The following SPATA16 variants were observed in gnomAD, a reference collection of about 807,000 sequenced individuals.
SPATA16 encodes spermatogenesis associated 16.
SPATA16 carries 36 observed loss-of-function variants against 63.3 expected under a neutral mutation model. The observed-to-expected ratio is 0.57, with a 90% CI of 0.44 to 0.75. The LOEUF is 0.75. Ranked by LOEUF, SPATA16 falls within the 30% of genes least tolerant of loss-of-function variation. The pLI is 0.00. For missense variants in SPATA16, 646 were observed against 679.3 expected (o/e 0.95, Z 0.54); for synonymous variants, 203 against 216.7 (o/e 0.94, Z 0.56).
At chr3:173,065,039 GA>G (rs1330176444) in intron 2 of SPATA16, among the ~76,000 whole-genome samples, 1 of 152,080 alleles carries the variant, frequency 6.6e-6, no homozygotes, top group South Asian at 2.1e-4. Flanking sequence ...GTTCTTTCAG[GA>G]AAAAAAGAAC....
chr3:173,058,366 G>A lies in SPATA16; in HGVS notation c.613-9272C>T, dbSNP rs148457864. Among the ~76,000 whole-genome samples the A allele has an allele frequency of 2.4e-3, 359 of 152,022 alleles. 1 individual carries two copies. The highest frequency in any genetic ancestry group is 8.2e-3 in the African/African-American group (339 of 41,464). On this transcript the variant is annotated intron_variant, in intron 2 of 10. Transcript: ENST00000351008. Reference sequence around the variant, plus strand: ...AGCCGTGTGTATACATCTTGCCCACGGGTTTGATCATTTTCAAATTGTTAT... The same window carrying A: ...AGCCGTGTGTATACATCTTGCCCACAGGTTTGATCATTTTCAAATTGTTAT...
chr3:173,120,128 G>A (rs1738022761), intron 1 of SPATA16, among the ~76,000 whole-genome samples: 1 of 151,704 alleles, frequency 6.6e-6, no homozygotes, highest in Admixed American at 6.6e-5. Context: ...AAGAAACATT[G>A]CTGGCATCCA....
At chr3:173,024,214 A>C (rs1362525517) in intron 3 of SPATA16, among the ~76,000 whole-genome samples, 1 of 151,738 alleles carries the variant, frequency 6.6e-6, no homozygotes, top group East Asian at 1.9e-4. Flanking sequence ...CAATAATTTA[A>C]TTTTATTTAC....
intron 6 of SPATA16, among the ~76,000 whole-genome samples, chr3:172,927,305 G>A (rs758090219): frequency 1.3e-5 from 2 of 152,178 alleles, no homozygotes; most frequent in African/African-American, 2.4e-5. Flanking sequence ...ACTGCAGTAA[G>A]TTATTTGTCA....
At chr3:173,020,038 G>T (rs1735288433) in intron 3 of SPATA16, among the ~76,000 whole-genome samples, 1 of 151,230 alleles carries the variant, frequency 6.6e-6, no homozygotes, top group Admixed American at 6.6e-5. Context: ...GCTCATGCCT[G>T]TAATCCCAGC....
intron 4 of SPATA16, among the ~76,000 whole-genome samples, chr3:172,995,491 C>T (rs1734674830): frequency 6.6e-6 from 1 of 151,920 alleles, no homozygotes; most frequent in Non-Finnish European, 1.5e-5. Flanking sequence ...GGATAAGCTT[C>T]AGAAGCTAAA....
chr3:173,064,818 A>G (rs1302950756), intron 2 of SPATA16, among the ~76,000 whole-genome samples: 2 of 152,222 alleles, frequency 1.3e-5, no homozygotes, highest in Non-Finnish European at 2.9e-5. Context: ...GCCAGAGTGT[A>G]GATACAGAAT....
At chr3:173,132,364 T>A (rs1028329369) in intron 1 of SPATA16, among the ~76,000 whole-genome samples, 1 of 152,014 alleles carries the variant, frequency 6.6e-6, no homozygotes, top group Admixed American at 6.6e-5. Context: ...TATAGTTGGA[T>A]CCCTAGAAGG....
chr3:173,109,513 A>G (rs966966065), intron 2 of SPATA16, among the ~76,000 whole-genome samples: 4 of 152,154 alleles, frequency 2.6e-5, no homozygotes, highest in Non-Finnish European at 5.9e-5. Context: ...CTAAGCCTGA[A>G]AAATATTTTG....
At chr3:172,904,728 A>C (rs756770579) in intron 10 of SPATA16, among the ~76,000 whole-genome samples, 1 of 152,242 alleles carries the variant, frequency 6.6e-6, no homozygotes, top group Non-Finnish European at 1.5e-5. Flanking sequence ...GAAGTTTACC[A>C]TCTAGATTTG....
intron 2 of SPATA16, among the ~76,000 whole-genome samples, chr3:173,058,514 A>C (rs1280409374): frequency 1.3e-5 from 2 of 152,174 alleles, no homozygotes; most frequent in South Asian, 4.1e-4. Context: ...GAAAAGTTTT[A>C]CACTTTTGCA....
At chr3:172,989,547 T>C (rs1734529955) in intron 4 of SPATA16, among the ~76,000 whole-genome samples, 1 of 152,218 alleles carries the variant, frequency 6.6e-6, no homozygotes, top group African/African-American at 2.4e-5. Context: ...TTGCTGGCTG[T>C]GTGACTTTGG....
chr3:172,941,970 T>C (rs916516500), intron 6 of SPATA16, among the ~76,000 whole-genome samples: 6 of 152,076 alleles, frequency 3.9e-5, no homozygotes, highest in Non-Finnish European at 8.8e-5. Context: ...ACAATAACAT[T>C]TAATGTTATT....
intron 3 of SPATA16, among the ~76,000 whole-genome samples, chr3:173,038,052 G>C (rs2108287860): frequency 6.6e-6 from 1 of 152,138 alleles, no homozygotes; most frequent in South Asian, 2.1e-4. Flanking sequence ...GCTCTTCAAA[G>C]GTAAACTACT....
At position 173,117,129 on chromosome 3, in the gene SPATA16, T is replaced by C. The variant is rs776658903; in HGVS notation, c.603A>G (p.Thr201=). The C allele has an allele frequency of 6.2e-7, 1 of 1,614,132 alleles. No individual in the cohort carries two copies. Among genetic ancestry groups the C allele is most frequent in the South Asian group, 1.1e-5 (1 of 91,086 alleles). Residue 201 remains threonine, a synonymous_variant, in exon 2 of 11, where the codon ACA becomes ACG. Transcript: ENST00000351008. ...KYALAAGQFR[T]ALELCSKGAV... is the part of the protein sequence containing the mutation. ...TTCTTTAATCCCATACCTCAAGTGCTGTTCTGAACTGTCCTGCTGCCAAGG... is the reference window on the plus strand; with the variant it reads ...TTCTTTAATCCCATACCTCAAGTGCCGTTCTGAACTGTCCTGCTGCCAAGG...
chr3:173,001,119 A>G (rs1179455163), intron 4 of SPATA16, among the ~76,000 whole-genome samples: 1 of 152,114 alleles, frequency 6.6e-6, no homozygotes, highest in African/African-American at 2.4e-5. Flanking sequence ...TGTAGTGGGT[A>G]AAAGGAACTG....
At chr3:173,062,680 A>G (rs1736409054) in intron 2 of SPATA16, among the ~76,000 whole-genome samples, 1 of 152,140 alleles carries the variant, frequency 6.6e-6, no homozygotes, top group African/African-American at 2.4e-5. Context: ...CTGCTTCTCA[A>G]CTGGCCATGA....
Position 172,924,282 on chromosome 3 carries a change from T to A in SPATA16, c.1264A>T (p.Thr422Ser). 1 of 1,613,476 alleles carries A rather than the reference T, an allele frequency of 6.2e-7. No individual in the cohort carries two copies. The highest frequency in any genetic ancestry group is 8.5e-7 in the Non-Finnish European group (1 of 1,179,666). ...CCCATTGTCTCCATTTGCCTCACTGTATCTTCTCTGGTCAGACCGAAAGGT... is the reference window on the plus strand; with the variant it reads ...CCCATTGTCTCCATTTGCCTCACTGAATCTTCTCTGGTCAGACCGAAAGGT... ...KTPFGLTREDTVRQMETMGKR... is the reference protein window; with the variant it reads ...KTPFGLTREDSVRQMETMGKR... The change falls in exon 8 of 11, where the codon ACA becomes TCA. Residue 422 changes from threonine (T) to serine (S), a missense_variant. Coordinates refer to ENST00000351008, the MANE Select transcript of SPATA16 (RefSeq NM_031955.6).
chr3:173,033,703 TTTTAG>T (rs1486671265), intron 3 of SPATA16, among the ~76,000 whole-genome samples: 3 of 152,052 alleles, frequency 2.0e-5, no homozygotes, highest in Admixed American at 1.3e-4. Context: ...GTTTATTTTA[TTTTAG>T]TTTAGTTTTT....
Sources: allele counts gnomAD v4.1 joint callset (sites outside exome capture counted in the v4.1 genomes callset), GRCh38; gene constraint gnomAD v4.1.1; transcripts MANE v1.5; gene names NCBI Gene and HGNC (gene_info 2026-07-23, HGNC 2026-07-21).